CDKAL1: variants seen among roughly 807,000 people sequenced by gnomAD.
The protein encoded by CDKAL1 is threonylcarbamoyladenosine tRNA methylthiotransferase.
CDKAL1 carries 32 observed loss-of-function variants against 68.2 expected under a neutral mutation model. The observed-to-expected ratio is 0.47, with a 90% CI of 0.35 to 0.63. The LOEUF (loss-of-function observed/expected upper bound fraction) is 0.63, where lower values mean the gene tolerates loss of function less well. Ranked by LOEUF, CDKAL1 falls within the 30% of genes least tolerant of loss-of-function variation. The pLI is 0.00. For missense variants in CDKAL1, 606 were observed against 696.7 expected (o/e 0.87, Z 1.47); for synonymous variants, 234 against 244.3 (o/e 0.96, Z 0.39).
At chr6:20,571,674 A>G (rs1764707373) in intron 4 of CDKAL1, among the ~76,000 whole-genome samples, 1 of 151,928 alleles carries the variant, frequency 6.6e-6, no homozygotes, top group Non-Finnish European at 1.5e-5. Flanking sequence ...AAATTATTTG[A>G]CTTGGGAGAC....
At chr6:20,555,204 C>T (rs1473594286) in intron 4 of CDKAL1, among the ~76,000 whole-genome samples, 1 of 152,124 alleles carries the variant, frequency 6.6e-6, no homozygotes. Context: ...AAAGGAAAGG[C>T]CTTCATATTC....
At chr6:20,825,218 T>G (rs1777454175) in intron 8 of CDKAL1, among the ~76,000 whole-genome samples, 1 of 152,166 alleles carries the variant, frequency 6.6e-6, no homozygotes, top group African/African-American at 2.4e-5. Flanking sequence ...TCATTTTCTA[T>G]TTCACTCTGC....
chr6:21,122,620 TTTTATTTA>T (rs80146010), intron 13 of CDKAL1, among the ~76,000 whole-genome samples: 44 of 149,046 alleles, frequency 3.0e-4, no homozygotes, highest in African/African-American at 8.7e-4. Context: ...TGTTACTGTA[TTTTATTTA>T]TTTATTTATT....
intron 13 of CDKAL1, among the ~76,000 whole-genome samples, chr6:21,157,403 G>T (rs1379915301): frequency 6.6e-6 from 1 of 152,136 alleles, no homozygotes; most frequent in Non-Finnish European, 1.5e-5. Context: ...TTTGAGACCA[G>T]CCTGGGCAAC....
Position 20,985,005 on chromosome 6 carries a change from G to A in CDKAL1, c.910-15222G>A, listed in dbSNP as rs149455162. ...CTACTACTGTATCACTAATAGTGCCGTAATTTGGAATGGGCTAGGGAGCCT... is the reference window on the plus strand; with the variant it reads ...CTACTACTGTATCACTAATAGTGCCATAATTTGGAATGGGCTAGGGAGCCT... On this transcript the variant is annotated intron_variant, in intron 10 of 15. Transcript: ENST00000274695. Among the ~76,000 whole-genome samples the A allele has an allele frequency of 3.2e-3, 488 of 152,190 alleles. 3 individuals carry two copies. Among genetic ancestry groups the A allele is most frequent in the South Asian group, 0.027 (130 of 4,820 alleles).
At chr6:20,754,503 C>T (rs1231103634) in intron 6 of CDKAL1, among the ~76,000 whole-genome samples, 3 of 152,288 alleles carry the variant, frequency 2.0e-5, no homozygotes. Flanking sequence ...AGCAATAGCT[C>T]CCTATTCCTA....
chr6:21,160,019 A>G (rs1776836655), intron 13 of CDKAL1, among the ~76,000 whole-genome samples: 1 of 152,230 alleles, frequency 6.6e-6, no homozygotes, highest in South Asian at 2.1e-4. Context: ...ACCCTCTGTG[A>G]CACCAAATGT....
At chr6:21,067,187 C>T (rs1276650053) in intron 12 of CDKAL1, among the ~76,000 whole-genome samples, 1 of 152,154 alleles carries the variant, frequency 6.6e-6, no homozygotes, top group Non-Finnish European at 1.5e-5. Context: ...CTGTCATGTC[C>T]TCCATTTACT....
intron 13 of CDKAL1, among the ~76,000 whole-genome samples, chr6:21,140,645 C>G (rs1204977450): frequency 2.6e-5 from 4 of 152,010 alleles, no homozygotes; most frequent in African/African-American, 9.7e-5. Flanking sequence ...TCCCAGGGGC[C>G]GGAGATGCTA....
intron 8 of CDKAL1, among the ~76,000 whole-genome samples, chr6:20,810,933 C>T (rs1290498939): frequency 1.3e-5 from 2 of 152,232 alleles, no homozygotes; most frequent in Non-Finnish European, 2.9e-5. Flanking sequence ...CGCTTTGGGT[C>T]TGTGCCACCA....
At chr6:20,773,555 TA>T (rs546717985) in intron 7 of CDKAL1, among the ~76,000 whole-genome samples, 221 of 152,064 alleles carry the variant, frequency 1.5e-3, no homozygotes, top group African/African-American at 5.1e-3. Context: ...TTTTTATTTT[TA>T]TTTTTTTTTG....
rs184327261 is a variant in CDKAL1, at chr6:20,804,445, A to G, written c.638+23180A>G. ...GCTAGTCAGTTGCTTTTGTTAGAAC[A>G]GCTTGTGATCTAAAAATAGTTTTTA... is the stretch of plus-strand genomic sequence containing the variant. On this transcript the variant is annotated intron_variant, in intron 8 of 15. Coordinates refer to ENST00000274695, the MANE Select transcript of CDKAL1 (RefSeq NM_017774.3). Among the ~76,000 whole-genome samples, 14 of 152,354 alleles carry G rather than the reference A, an allele frequency of 9.2e-5. 1 individual carries two copies. In the East Asian group the frequency reaches 2.7e-3, roughly 29 times the overall value.
intron 11 of CDKAL1, among the ~76,000 whole-genome samples, chr6:21,028,781 C>T (rs137909804): frequency 8.7e-4 from 133 of 152,236 alleles, no homozygotes; most frequent in Non-Finnish European, 1.6e-3. Context: ...TAAAGTGGCT[C>T]AAAGGCACAT....
chr6:21,010,726 G>T (rs1289954188), intron 11 of CDKAL1, among the ~76,000 whole-genome samples: 1 of 152,138 alleles, frequency 6.6e-6, no homozygotes, highest in Non-Finnish European at 1.5e-5. Context: ...CAGAAAAAAT[G>T]AGAAAAAGAA....
chr6:20,889,057 G>T (rs528146500), intron 9 of CDKAL1, among the ~76,000 whole-genome samples: 1 of 152,194 alleles, frequency 6.6e-6, no homozygotes, highest in South Asian at 2.1e-4. Flanking sequence ...TTTAATGATC[G>T]CCATTCTAAC....
rs142580321 is a variant in CDKAL1 at position 21,162,901 on chromosome 6, T to G, written c.1300-35120T>G. Among the ~76,000 whole-genome samples, 279 of 152,178 alleles carry G rather than the reference T, an allele frequency of 1.8e-3. 1 individual carries two copies. Among genetic ancestry groups the G allele is most frequent in the Middle Eastern group, 6.8e-3 (2 of 294 alleles). On this transcript the variant is annotated intron_variant, in intron 13 of 15. Transcript: ENST00000274695. ...AATGATCACACCTATGTATAGCCACTGCACTCCAGCCTGGGCAACACAGCA... is the reference window on the plus strand; with the variant it reads ...AATGATCACACCTATGTATAGCCACGGCACTCCAGCCTGGGCAACACAGCA...
chr6:21,031,503 G>C (rs1769290056), intron 11 of CDKAL1, among the ~76,000 whole-genome samples: 1 of 151,886 alleles, frequency 6.6e-6, no homozygotes, highest in African/African-American at 2.4e-5. Context: ...ACTGAGGCAA[G>C]ATGTCTGCCT....
intron 9 of CDKAL1, among the ~76,000 whole-genome samples, chr6:20,891,538 T>A (rs1761400118): frequency 1.0e-4 from 1 of 10,022 alleles, no homozygotes; most frequent in Admixed American, 8.2e-4. Flanking sequence ...TTTTCTGTAT[T>A]TTTTTTTTTT....
chr6:20,852,600 A>C (rs1158322253), intron 9 of CDKAL1, among the ~76,000 whole-genome samples: 1 of 152,252 alleles, frequency 6.6e-6, no homozygotes, highest in Non-Finnish European at 1.5e-5. Context: ...GCTATTTATC[A>C]GATATTCAGT....
Sources: allele counts gnomAD v4.1 joint callset (sites outside exome capture counted in the v4.1 genomes callset), GRCh38; gene constraint gnomAD v4.1.1; transcripts MANE v1.5; gene names NCBI Gene and HGNC (gene_info 2026-07-23, HGNC 2026-07-21).